Variants in CSMD3 observed in about 807,000 individuals in gnomAD.
The protein encoded by CSMD3 is CUB and Sushi multiple domains 3, also known as CUB and sushi domain-containing protein 3.
A neutral mutation model predicts 435.2 loss-of-function variants in CSMD3; 177 were observed. The ratio of observed to expected loss-of-function variants is 0.41; its 90% confidence interval spans 0.36 to 0.46. The LOEUF (loss-of-function observed/expected upper bound fraction) is 0.46. Ranked by LOEUF, CSMD3 falls within the 20% of genes least tolerant of loss-of-function variation. CSMD3 has a pLI of 0.34. For synonymous variants in CSMD3, 1,656 were observed against 1,520.5 expected, an observed-to-expected ratio of 1.09 and a Z score of -2.07; for missense variants, 4,265 against 4,504.6, an observed-to-expected ratio of 0.95 and a Z score of 1.52.
At position 113,146,246 on chromosome 8, in the gene CSMD3, C is replaced by T. The variant is rs1031528773; in HGVS notation, c.709+27476G>A. Among the ~76,000 whole-genome samples, 22 of 151,488 alleles carry T rather than the reference C, an allele frequency of 1.5e-4. 2 individuals carry two copies. Among genetic ancestry groups the T allele is most frequent in the Admixed American group, 1.3e-3 (19 of 15,106 alleles). On this transcript the variant is annotated intron_variant, in intron 4 of 70. Coordinates refer to ENST00000297405, the MANE Select transcript of CSMD3 (RefSeq NM_198123.2). ...CCAGGAATAAAAAAATGAGTGTATA[C>T]TGTGTTTGTCAGCCTCAATGTAACC...
At chr8:112,477,380 G>A (rs1368048431) in intron 31 of CSMD3, among the ~76,000 whole-genome samples, 2 of 152,134 alleles carry the variant, frequency 1.3e-5, no homozygotes, top group African/African-American at 2.4e-5. Context: ...GCAAACCCAT[G>A]TCTAATACCA....
rs2082014679 is a variant in CSMD3, at chr8:112,898,512, TTCTTA to T, written c.1633+23110_1633+23114del. ...GGACGCTATATTTAACTTCATTTACTTCTTATTTTGTATAATTTGAATGATAGAGT... is the reference window on the plus strand; with the variant it reads ...GGACGCTATATTTAACTTCATTTACTTTTTGTATAATTTGAATGATAGAGT... On this transcript the variant is annotated intron_variant, in intron 10 of 70. Coordinates refer to ENST00000297405, the MANE Select transcript of CSMD3 (RefSeq NM_198123.2). Among the ~76,000 whole-genome samples the T allele has an allele frequency of 2.6e-5, 4 of 151,394 alleles. No individual in the cohort carries two copies. The South Asian group carries it at 8.3e-4, about 31-fold the overall frequency.
chr8:113,063,804 T>G (rs1233788958), intron 5 of CSMD3, among the ~76,000 whole-genome samples: 8 of 151,938 alleles, frequency 5.3e-5, no homozygotes, highest in Non-Finnish European at 8.8e-5. Flanking sequence ...TAAATATCAG[T>G]AAATGTAATA....
At chr8:113,202,452 T>C (rs1033010522) in intron 3 of CSMD3, among the ~76,000 whole-genome samples, 2 of 152,132 alleles carry the variant, frequency 1.3e-5, no homozygotes, top group African/African-American at 2.4e-5. Flanking sequence ...TACAATTACT[T>C]GATTAGGCCT....
chr8:112,566,244 T>C (rs1375209808), intron 24 of CSMD3, among the ~76,000 whole-genome samples: 2 of 152,098 alleles, frequency 1.3e-5, no homozygotes, highest in Non-Finnish European at 2.9e-5. Context: ...TCTGCACTTG[T>C]TAGCTATGTG....
chr8:113,225,017 T>C (rs1174671525), intron 3 of CSMD3, among the ~76,000 whole-genome samples: 1 of 151,420 alleles, frequency 6.6e-6, no homozygotes, highest in Non-Finnish European at 1.5e-5. Context: ...CTTCTCTTAA[T>C]CTTAATATGA....
chr8:112,263,861 G>A (rs1472427516), intron 60 of CSMD3, 49 bp from the exon 61 acceptor site: 2 of 1,487,456 alleles, frequency 1.3e-6, no homozygotes, highest in African/African-American at 2.8e-5. Context: ...AATATCCTGA[G>A]CCTTAAAGAT....
At chr8:112,827,180 T>TATATATATAC (rs1363078434) in intron 12 of CSMD3, among the ~76,000 whole-genome samples, 1 of 72,544 alleles carries the variant, frequency 1.4e-5, no homozygotes, top group Non-Finnish European at 3.6e-5. Context: ...TATATATATA[T>TATATATATAC]ATATATATAT....
chr8:113,403,534 C>T (rs555680633), intron 1 of CSMD3, among the ~76,000 whole-genome samples: 123 of 151,438 alleles, frequency 8.1e-4, no homozygotes, highest in African/African-American at 2.8e-3. Context: ...ATTTTCTCCT[C>T]TTCTTCCCTT....
chr8:113,203,428 C>T (rs1242924743), intron 3 of CSMD3, among the ~76,000 whole-genome samples: 1 of 151,820 alleles, frequency 6.6e-6, no homozygotes, highest in African/African-American at 2.4e-5. Flanking sequence ...TTGCCTGAGC[C>T]ACCATGACCA....
At chr8:112,927,418 A>G (rs535885899) in intron 9 of CSMD3, among the ~76,000 whole-genome samples, 1 of 152,170 alleles carries the variant, frequency 6.6e-6, no homozygotes, top group East Asian at 1.9e-4. Context: ...CATTCCTCCA[A>G]CTAGTTTGGG....
intron 9 of CSMD3, among the ~76,000 whole-genome samples, chr8:112,936,031 G>C (rs1330788415): frequency 1.3e-5 from 2 of 151,976 alleles, no homozygotes; most frequent in Non-Finnish European, 2.9e-5. Context: ...GATTCAATAT[G>C]GAGAGGTGCA....
At chr8:113,243,851 A>G (rs945390209) in intron 3 of CSMD3, among the ~76,000 whole-genome samples, 3 of 152,154 alleles carry the variant, frequency 2.0e-5, no homozygotes, top group Admixed American at 2.0e-4. Context: ...TATTTTCCCC[A>G]TAACTAATGA....
At chr8:112,276,677 A>T (rs1184366182) in intron 59 of CSMD3, among the ~76,000 whole-genome samples, 2 of 152,050 alleles carry the variant, frequency 1.3e-5, no homozygotes, top group Non-Finnish European at 2.9e-5. Flanking sequence ...TCAGGCCATG[A>T]CTTCAGAGTG....
At chr8:112,441,816 C>T (rs2101670) in intron 32 of CSMD3, among the ~76,000 whole-genome samples, 64,869 of 151,996 alleles carry the variant, frequency 0.43, 14,829 homozygotes, top group Middle Eastern at 0.6. Flanking sequence ...CCCCACCACC[C>T]ACCATGATTC....
At chr8:113,348,207 T>C (rs2094164716) in intron 1 of CSMD3, among the ~76,000 whole-genome samples, 1 of 152,196 alleles carries the variant, frequency 6.6e-6, no homozygotes, top group African/African-American at 2.4e-5. Context: ...GTTATTAATG[T>C]ATTCGTGTGC....
intron 38 of CSMD3, among the ~76,000 whole-genome samples, chr8:112,373,441 G>A (rs11776765): frequency 0.4 from 60,007 of 151,434 alleles, 13,353 homozygotes; most frequent in Middle Eastern, 0.55. Flanking sequence ...CCACTCACAC[G>A]CAATATCATT....
intron 54 of CSMD3, among the ~76,000 whole-genome samples, chr8:112,295,597 T>C (rs550548421): frequency 6.6e-6 from 1 of 151,712 alleles, no homozygotes; most frequent in East Asian, 1.9e-4. Flanking sequence ...TATATTTATA[T>C]TAAATATGAG....
intron 10 of CSMD3, among the ~76,000 whole-genome samples, chr8:112,866,457 C>T (rs1017511117): frequency 2.6e-5 from 4 of 152,068 alleles, no homozygotes; most frequent in Non-Finnish European, 5.9e-5. Flanking sequence ...CCATTGAGGC[C>T]TTTACTATAT....
Sources: gnomAD v4.1 joint callset for allele counts (sites outside exome capture counted in the v4.1 genomes callset) on GRCh38, gnomAD v4.1.1 for gene constraint, MANE v1.5 for transcripts, NCBI Gene and HGNC (gene_info 2026-07-23, HGNC 2026-07-21) for gene names.